RFX3: variants seen among roughly 807,000 people sequenced by gnomAD.
RFX3 encodes regulatory factor X3, also known as transcription factor RFX3.
Under a neutral mutation model 98.6 loss-of-function variants are expected in RFX3, and 14 were observed. The observed-to-expected ratio is 0.14, with a 90% CI of 0.09 to 0.22. The LOEUF (loss-of-function observed/expected upper bound fraction) is 0.22. Ranked by LOEUF, RFX3 falls within the 10% of genes least tolerant of loss-of-function variation. The pLI is 1.00. For missense variants in RFX3, 639 were observed against 926.9 expected (o/e 0.69, Z 4.03); for synonymous variants, 383 against 328.4 (o/e 1.17, Z -1.80).
At chr9:3,467,228 A>G (rs1169247675) in intron 1 of RFX3, among the ~76,000 whole-genome samples, 5 of 145,270 alleles carry the variant, frequency 3.4e-5, no homozygotes, top group African/African-American at 7.6e-5. Flanking sequence ...TAATGTATAT[A>G]TGTATATACA....
intron 1 of RFX3, among the ~76,000 whole-genome samples, chr9:3,497,549 G>A (rs778799587): frequency 6.6e-6 from 1 of 151,776 alleles, no homozygotes; most frequent in Non-Finnish European, 1.5e-5. Flanking sequence ...CTGATCTCTC[G>A]AACTAGGATG....
intron 4 of RFX3, among the ~76,000 whole-genome samples, chr9:3,307,028 T>A (rs1317233652): frequency 1.3e-5 from 2 of 152,068 alleles, no homozygotes; most frequent in African/African-American, 4.8e-5. Flanking sequence ...ATCGATCTCA[T>A]GAGATTTCAT....
At chr9:3,416,192 C>G (rs2132271762) in intron 1 of RFX3, among the ~76,000 whole-genome samples, 1 of 152,228 alleles carries the variant, frequency 6.6e-6, no homozygotes, top group Non-Finnish European at 1.5e-5. Flanking sequence ...TAAATACTAT[C>G]CCAGTTAATT....
intron 1 of RFX3, among the ~76,000 whole-genome samples, chr9:3,451,816 A>G (rs1846662085): frequency 6.6e-6 from 1 of 152,074 alleles, no homozygotes; most frequent in Non-Finnish European, 1.5e-5. Context: ...TCTAAAATAA[A>G]AAGATGTATT....
intron 5 of RFX3, among the ~76,000 whole-genome samples, chr9:3,298,216 T>C (rs2129925133): frequency 6.6e-6 from 1 of 151,954 alleles, no homozygotes; most frequent in Non-Finnish European, 1.5e-5. Context: ...AAAGATGAGA[T>C]TGTTTAGAGG....
chr9:3,410,493 G>C (rs1842378004), intron 1 of RFX3, among the ~76,000 whole-genome samples: 1 of 152,036 alleles, frequency 6.6e-6, no homozygotes, highest in African/African-American at 2.4e-5. Flanking sequence ...GAGGGAAAAA[G>C]CAAAATTCAA....
intron 2 of RFX3, among the ~76,000 whole-genome samples, chr9:3,354,728 A>G (rs1835546975): frequency 6.6e-6 from 1 of 150,478 alleles, no homozygotes; most frequent in Non-Finnish European, 1.5e-5. Context: ...CTAAAGAAAA[A>G]GAATACTAGA....
chr9:3,456,035 T>G (rs1847116391), intron 1 of RFX3, among the ~76,000 whole-genome samples: 1 of 152,240 alleles, frequency 6.6e-6, no homozygotes, highest in African/African-American at 2.4e-5. Context: ...TCTTCCAGAA[T>G]GGAGGAAACT....
At chr9:3,493,365 A>C in intron 1 of RFX3, among the ~76,000 whole-genome samples, 1 of 152,066 alleles carries the variant, frequency 6.6e-6, no homozygotes, top group East Asian at 1.9e-4. Context: ...GGCCACTTTC[A>C]TCTAAACACG....
chr9:3,313,369 A>G (rs1307424388), intron 4 of RFX3, among the ~76,000 whole-genome samples: 1 of 152,226 alleles, frequency 6.6e-6, no homozygotes, highest in Non-Finnish European at 1.5e-5. Flanking sequence ...TCTGTAAGTC[A>G]CCATCAACAA....
intron 1 of RFX3, chr9:3,490,477 A>G (rs1850645477): frequency 1.2e-5 from 2 of 164,774 alleles, no homozygotes; most frequent in Admixed American, 6.5e-5. Flanking sequence ...TAACTGAATT[A>G]TTTTAGAAGT....
chr9:3,280,135 A>T (rs904741978), intron 7 of RFX3, among the ~76,000 whole-genome samples: 7 of 151,804 alleles, frequency 4.6e-5, no homozygotes, highest in African/African-American at 1.7e-4. Flanking sequence ...TTGAGCAAAG[A>T]CACACTATGT....
At chr9:3,366,693 C>T (rs528699972) in intron 2 of RFX3, among the ~76,000 whole-genome samples, 1,090 of 85,490 alleles carry the variant, frequency 0.013, 16 homozygotes, top group Middle Eastern at 0.041. Flanking sequence ...TTCTTTCTTT[C>T]CTTTCTTTCT....
At chr9:3,247,922 C>G (rs1364757243) in intron 15 of RFX3, 110 bp downstream of exon 15, 6 of 1,612,258 alleles carry the variant, frequency 3.7e-6, no homozygotes, top group Non-Finnish European at 3.4e-6. Context: ...GGCTCTGAGG[C>G]TGACTTGGTT....
At chr9:3,375,725 C>A (rs1308737149) in intron 2 of RFX3, among the ~76,000 whole-genome samples, 1 of 152,152 alleles carries the variant, frequency 6.6e-6, no homozygotes, top group African/African-American at 2.4e-5. Flanking sequence ...CCTTGGGAGG[C>A]CAAGGCGGGT....
intron 1 of RFX3, among the ~76,000 whole-genome samples, chr9:3,459,662 T>C (rs1349205097): frequency 6.6e-6 from 1 of 152,120 alleles, no homozygotes; most frequent in African/African-American, 2.4e-5. Flanking sequence ...TCAGAATTTT[T>C]TGTTTTGCTC....
intron 15 of RFX3, 88 bp from the exon 16 acceptor site, chr9:3,228,977 T>G: frequency 8.5e-7 from 1 of 1,177,170 alleles, no homozygotes; most frequent in Non-Finnish European, 1.2e-6. Flanking sequence ...TGCCAATCTA[T>G]GACTCTTTAA....
intron 3 of RFX3, among the ~76,000 whole-genome samples, chr9:3,346,375 A>C (rs915816382): frequency 6.6e-6 from 1 of 152,210 alleles, no homozygotes; most frequent in Non-Finnish European, 1.5e-5. Context: ...TAAAATACAG[A>C]TATCACTAAC....
chr9:3,502,616 C>T (rs967955814), intron 1 of RFX3, among the ~76,000 whole-genome samples: 2 of 152,182 alleles, frequency 1.3e-5, no homozygotes, highest in Admixed American at 1.3e-4. Flanking sequence ...AATTCCAACT[C>T]TAAATCTAAC....
Sources: allele counts gnomAD v4.1 joint callset (sites outside exome capture counted in the v4.1 genomes callset), GRCh38; gene constraint gnomAD v4.1.1; transcripts MANE v1.5; gene names NCBI Gene and HGNC (gene_info 2026-07-23, HGNC 2026-07-21).